The following COX7B2 variants were observed in gnomAD, a reference collection of about 807,000 sequenced individuals.
The protein encoded by COX7B2 is cytochrome c oxidase subunit 7B2, also known as cytochrome c oxidase subunit 7B2, mitochondrial.
For missense variants in COX7B2, 109 were observed against 95.9 expected (o/e 1.14, Z -0.57); for synonymous variants, 37 against 32.1 (o/e 1.15, Z -0.51).
In COX7B2 at chr4:46,763,097, TAATA is replaced by T. The variant is rs1560363162; in HGVS notation, c.-49-27860_-49-27857del. Among the ~76,000 whole-genome samples the T allele has an allele frequency of 2.7e-4, 28 of 105,630 alleles. No homozygotes were observed. In the East Asian group the frequency reaches 7.4e-3, roughly 28 times the overall value. The allele number at this position is 105,630 out of a possible 152,430, so 69.3% of individuals were successfully genotyped here. ...AATATATATTACATATTATAATATA[TAATA>T]AATTATATAATATATTACATTATAA... On this transcript the variant is annotated intron_variant, in intron 2 of 2. Coordinates refer to ENST00000355591, the MANE Select transcript of COX7B2 (RefSeq NM_130902.3).
At chr4:46,883,941 C>T (rs1348822468) in intron 1 of COX7B2, among the ~76,000 whole-genome samples, 1 of 152,008 alleles carries the variant, frequency 6.6e-6, no homozygotes, top group African/African-American at 2.4e-5. Flanking sequence ...TTTGTAGGTA[C>T]TTAAAGTATA....
intron 2 of COX7B2, among the ~76,000 whole-genome samples, chr4:46,743,673 G>C (rs1714844930): frequency 1.3e-5 from 2 of 152,174 alleles, no homozygotes. Context: ...CTTTATTGAA[G>C]TATTTTTCCA....
intron 2 of COX7B2, among the ~76,000 whole-genome samples, chr4:46,778,362 CAAT>C (rs1717269638): frequency 6.6e-6 from 1 of 152,106 alleles, no homozygotes; most frequent in African/African-American, 2.4e-5. Flanking sequence ...GTAACAATGA[CAAT>C]AACATGTAGT....
chr4:46,846,842 G>C (rs928448049), intron 1 of COX7B2, among the ~76,000 whole-genome samples: 7 of 152,014 alleles, frequency 4.6e-5, no homozygotes, highest in African/African-American at 7.2e-5. Flanking sequence ...GAAGAATGTA[G>C]AGTCAAGGAT....
At chr4:46,777,851 A>G (rs988452038) in intron 2 of COX7B2, among the ~76,000 whole-genome samples, 2 of 152,194 alleles carry the variant, frequency 1.3e-5, no homozygotes, top group Admixed American at 6.5e-5. Flanking sequence ...AGATGGAGAT[A>G]ACACTGGTGC....
intron 2 of COX7B2, among the ~76,000 whole-genome samples, chr4:46,837,061 G>A (rs572761867): frequency 1.3e-5 from 2 of 152,034 alleles, no homozygotes; most frequent in Non-Finnish European, 2.9e-5. Context: ...GCATTTAATT[G>A]AGATATGTTC....
intron 2 of COX7B2, among the ~76,000 whole-genome samples, chr4:46,838,974 T>C (rs1250180048): frequency 1.3e-5 from 2 of 151,954 alleles, no homozygotes; most frequent in African/African-American, 4.8e-5. Context: ...TTGAATCAGG[T>C]TCTTCATGCA....
intron 1 of COX7B2, among the ~76,000 whole-genome samples, chr4:46,847,294 C>T (rs1296736229): frequency 1.3e-5 from 2 of 152,050 alleles, no homozygotes; most frequent in Non-Finnish European, 2.9e-5. Flanking sequence ...GTGGGGGAAA[C>T]AATCTGGCAA....
At chr4:46,864,304 A>G (rs1717509792) in intron 1 of COX7B2, among the ~76,000 whole-genome samples, 1 of 152,054 alleles carries the variant, frequency 6.6e-6, no homozygotes, top group South Asian at 2.1e-4. Context: ...TCAGATACAA[A>G]CAATGTTACC....
intron 2 of COX7B2, among the ~76,000 whole-genome samples, chr4:46,819,181 C>CA (rs991501250): frequency 3.3e-5 from 5 of 152,100 alleles, no homozygotes; most frequent in East Asian, 1.9e-4. Flanking sequence ...ACTTCTCATG[C>CA]AAAAAAATCT....
intron 2 of COX7B2, among the ~76,000 whole-genome samples, chr4:46,747,134 C>A (rs937023835): frequency 4.2e-4 from 64 of 152,076 alleles, no homozygotes; most frequent in African/African-American, 1.5e-3. Flanking sequence ...GTTTGTTGTA[C>A]AGATTATTTC....
intron 1 of COX7B2, among the ~76,000 whole-genome samples, chr4:46,895,296 A>G (rs1479998491): frequency 6.6e-6 from 1 of 152,222 alleles, no homozygotes; most frequent in Admixed American, 6.5e-5. Context: ...ACCACAGAAT[A>G]CTACGGAGCC....
chr4:46,781,270 C>T (rs1717431504), intron 2 of COX7B2, among the ~76,000 whole-genome samples: 1 of 152,142 alleles, frequency 6.6e-6, no homozygotes, highest in Non-Finnish European at 1.5e-5. Flanking sequence ...GGATAATAGA[C>T]CCCTTCCCAC....
chr4:46,832,364 G>A (rs1191704856), intron 2 of COX7B2, among the ~76,000 whole-genome samples: 1 of 152,036 alleles, frequency 6.6e-6, no homozygotes, highest in African/African-American at 2.4e-5. Context: ...CACCCCGAGG[G>A]TACACAGCTT....
At chr4:46,805,239 C>T (rs1169245077) in intron 2 of COX7B2, among the ~76,000 whole-genome samples, 1 of 152,234 alleles carries the variant, frequency 6.6e-6, no homozygotes, top group Non-Finnish European at 1.5e-5. Flanking sequence ...GGGGCTCCTA[C>T]AGTGCAGCTG....
intron 2 of COX7B2, among the ~76,000 whole-genome samples, chr4:46,765,093 G>A (rs1716446290): frequency 6.6e-6 from 1 of 151,886 alleles, no homozygotes; most frequent in Non-Finnish European, 1.5e-5. Flanking sequence ...CAAGATGGCA[G>A]AATGGAAGCT....
At chr4:46,841,788 A>C (rs1192266230) in intron 2 of COX7B2, among the ~76,000 whole-genome samples, 3 of 152,004 alleles carry the variant, frequency 2.0e-5, no homozygotes, top group Non-Finnish European at 4.4e-5. Flanking sequence ...TAGCCTTCAA[A>C]ACTACTTACT....
rs559817434 is a variant in COX7B2 at position 46,799,515 on chromosome 4, T to C, written c.-50+45445A>G. On this transcript the variant is annotated intron_variant, in intron 2 of 2. Transcript: ENST00000355591. ...GTTTGTCACAGATAGCTCTTATTAT[T>C]TCAAGGTAAGTTTCTTCAATAACTA... Among the ~76,000 whole-genome samples, 38 of 152,322 alleles carry C rather than the reference T, an allele frequency of 2.5e-4. 1 individual carries two copies. Among genetic ancestry groups the C allele is most frequent in the Admixed American group, 6.5e-4 (10 of 15,298 alleles).
intron 1 of COX7B2, among the ~76,000 whole-genome samples, chr4:46,885,093 G>T (rs191137459): frequency 1.3e-5 from 2 of 151,802 alleles, no homozygotes; most frequent in East Asian, 1.9e-4. Context: ...GCTAATTTAG[G>T]ATATATTGCC....
Sources: gnomAD v4.1 joint callset for allele counts (sites outside exome capture counted in the v4.1 genomes callset) on GRCh38, gnomAD v4.1.1 for gene constraint, MANE v1.5 for transcripts, NCBI Gene and HGNC (gene_info 2026-07-23, HGNC 2026-07-21) for gene names.